The following DLG2 variants were observed in gnomAD, a reference collection of about 807,000 sequenced individuals.
The protein encoded by DLG2 is discs large MAGUK scaffold protein 2.
A neutral mutation model predicts 132.5 loss-of-function variants in DLG2; 45 were observed. The observed-to-expected ratio is 0.34, with a 90% CI of 0.27 to 0.44. The LOEUF (loss-of-function observed/expected upper bound fraction) is 0.44, where lower values mean the gene tolerates loss of function less well. Ranked by LOEUF, DLG2 falls within the 20% of genes least tolerant of loss-of-function variation. The pLI is 1.00. For synonymous variants in DLG2, 424 were observed against 419.6 expected (o/e 1.01, Z -0.13); for missense variants, 1,045 against 1,196.9 (o/e 0.87, Z 1.87).
At chr11:83,577,401 T>C (rs1056669768) in intron 19 of DLG2, among the ~76,000 whole-genome samples, 1 of 145,592 alleles carries the variant, frequency 6.9e-6, no homozygotes, top group Non-Finnish European at 1.5e-5. Flanking sequence ...ATAGGAGATA[T>C]ATATCTTATT....
chr11:85,174,484 T>C (rs2079084761), intron 4 of DLG2, among the ~76,000 whole-genome samples: 1 of 152,152 alleles, frequency 6.6e-6, no homozygotes, highest in Admixed American at 6.5e-5. Context: ...AAGGGAAATT[T>C]ACAGCACTAA....
rs191727805 is a variant in DLG2, at chr11:85,104,204, C to T, written c.357+7457G>A. 4.1e-3 allele frequency among the ~76,000 whole-genome samples: 616 copies of T among 151,886 alleles called. 7 individuals are homozygous for T. The highest frequency in any genetic ancestry group is 3.0e-3 in the Non-Finnish European group (204 of 67,870). Reference sequence around the variant, plus strand: ...TAGCATATGACCCAGAAATTTCATTCCTAGGCATATACCCAAGAGAATTGA... The same window carrying T: ...TAGCATATGACCCAGAAATTTCATTTCTAGGCATATACCCAAGAGAATTGA... On this transcript the variant is annotated intron_variant, in intron 6 of 27. Transcript: ENST00000376104.
chr11:85,322,166 C>T (rs996171059), intron 3 of DLG2, among the ~76,000 whole-genome samples: 1 of 152,008 alleles, frequency 6.6e-6, no homozygotes, highest in Non-Finnish European at 1.5e-5. Context: ...CTTTTCTCAC[C>T]TCATCTGTAC....
intron 3 of DLG2, among the ~76,000 whole-genome samples, chr11:85,413,558 T>C (rs193020147): frequency 1.1e-3 from 175 of 152,176 alleles, no homozygotes; most frequent in African/African-American, 4.1e-3. Flanking sequence ...AAGTCCTTAA[T>C]CCATGGTGAG....
intron 7 of DLG2, among the ~76,000 whole-genome samples, chr11:84,533,332 T>C (rs1355075428): frequency 6.6e-6 from 1 of 152,216 alleles, no homozygotes; most frequent in Non-Finnish European, 1.5e-5. Context: ...CCCCAATTCT[T>C]AATCTTTTCT....
At chr11:84,401,800 A>G (rs2098830488) in intron 7 of DLG2, among the ~76,000 whole-genome samples, 1 of 152,132 alleles carries the variant, frequency 6.6e-6, no homozygotes, top group African/African-American at 2.4e-5. Context: ...CTCTTGCCTC[A>G]GCCTCCCGAG....
chr11:84,366,380 C>A (rs917772073), intron 7 of DLG2, among the ~76,000 whole-genome samples: 45 of 151,858 alleles, frequency 3.0e-4, no homozygotes, highest in African/African-American at 9.9e-4. Flanking sequence ...TAAAGACCAT[C>A]GAGACTAGGA....
At chr11:85,570,292 T>C (rs2077772900) in intron 3 of DLG2, among the ~76,000 whole-genome samples, 2 of 152,194 alleles carry the variant, frequency 1.3e-5, no homozygotes, top group South Asian at 4.1e-4. Flanking sequence ...CATTGAGACT[T>C]ATTTTGTGGT....
intron 3 of DLG2, among the ~76,000 whole-genome samples, chr11:85,477,512 G>C (rs754767360): frequency 1.3e-5 from 2 of 152,170 alleles, no homozygotes; most frequent in African/African-American, 2.4e-5. Flanking sequence ...ATAAATAGTG[G>C]TAACAGTTAT....
intron 7 of DLG2, among the ~76,000 whole-genome samples, chr11:84,410,715 A>G (rs2098897065): frequency 6.6e-6 from 1 of 151,068 alleles, no homozygotes; most frequent in South Asian, 2.1e-4. Context: ...GAGTAGCTGG[A>G]ATTACAGGTG....
chr11:84,760,393 A>G (rs576725280), intron 6 of DLG2, among the ~76,000 whole-genome samples: 42 of 152,200 alleles, frequency 2.8e-4, no homozygotes, highest in Non-Finnish European at 5.4e-4. Flanking sequence ...CCCCATAACC[A>G]TTTAGTAAAT....
At chr11:84,078,548 G>A (rs1346601025) in intron 10 of DLG2, among the ~76,000 whole-genome samples, 1 of 152,056 alleles carries the variant, frequency 6.6e-6, no homozygotes, top group Non-Finnish European at 1.5e-5. Flanking sequence ...TTTTTTAAAT[G>A]TGAAAATACC....
At chr11:84,515,464 T>C (rs953146841) in intron 7 of DLG2, among the ~76,000 whole-genome samples, 1 of 151,558 alleles carries the variant, frequency 6.6e-6, no homozygotes, top group Non-Finnish European at 1.5e-5. Context: ...AAATAGACTT[T>C]AAGTAAAAAA....
intron 10 of DLG2, among the ~76,000 whole-genome samples, chr11:84,068,258 T>C (rs1483918698): frequency 1.3e-5 from 2 of 152,272 alleles, no homozygotes; most frequent in South Asian, 2.1e-4. Flanking sequence ...CAGCGCTTAA[T>C]TGTCCAGTTT....
intron 26 of DLG2, among the ~76,000 whole-genome samples, chr11:83,466,119 G>A (rs936000736): frequency 4.6e-5 from 7 of 152,102 alleles, no homozygotes; most frequent in Admixed American, 6.6e-5. Flanking sequence ...TTACTGCCAC[G>A]CCACTAAGAA....
chr11:83,737,782 A>G (rs745599591), intron 18 of DLG2, among the ~76,000 whole-genome samples: 9 of 152,174 alleles, frequency 5.9e-5, no homozygotes, highest in Non-Finnish European at 1.2e-4. Flanking sequence ...TGAAACCCCA[A>G]TTCTACTAAA....
At chr11:83,687,934 C>G (rs1394956578) in intron 18 of DLG2, among the ~76,000 whole-genome samples, 1 of 151,794 alleles carries the variant, frequency 6.6e-6, no homozygotes, top group Non-Finnish European at 1.5e-5. Context: ...CCCAGGAGAG[C>G]CACACTGACA....
At chr11:83,668,250 C>T (rs1048667020) in intron 18 of DLG2, among the ~76,000 whole-genome samples, 1 of 152,006 alleles carries the variant, frequency 6.6e-6, no homozygotes, top group African/African-American at 2.4e-5. Context: ...CAGACTGATG[C>T]ATAAAAATAT....
intron 7 of DLG2, among the ~76,000 whole-genome samples, chr11:84,495,353 G>A (rs1603233108): frequency 6.6e-6 from 1 of 152,130 alleles, no homozygotes. Context: ...CGATCTGACT[G>A]CTCTGACATA....
Sources: allele counts gnomAD v4.1 joint callset (sites outside exome capture counted in the v4.1 genomes callset), GRCh38; gene constraint gnomAD v4.1.1; transcripts MANE v1.5; gene names NCBI Gene and HGNC (gene_info 2026-07-23, HGNC 2026-07-21).